TENM2: variants seen among roughly 807,000 people sequenced by gnomAD.
TENM2 encodes the protein teneurin transmembrane protein 2.
In TENM2, 52 loss-of-function variants were observed where a neutral mutation model predicts 245.2. The ratio of observed to expected loss-of-function variants is 0.21; its 90% CI spans 0.17 to 0.27. The LOEUF (loss-of-function observed/expected upper bound fraction) is 0.27, where lower values mean the gene tolerates loss of function less well. TENM2 is among the 10% of genes least tolerant of loss of function. The probability of loss-of-function intolerance (pLI) is 1.00; values close to 1 mark genes in which losing one functional copy is unlikely to be tolerated. For synonymous variants in TENM2, 1,363 were observed against 1,438.9 expected (o/e 0.95, Z 1.19); for missense variants, 3,046 against 3,666.8 (o/e 0.83, Z 4.37).
At chr5:167,992,117 G>A (rs544289958) in intron 4 of TENM2, among the ~76,000 whole-genome samples, 301 of 152,246 alleles carry the variant, frequency 2.0e-3, no homozygotes, top group Non-Finnish European at 3.2e-3. Context: ...TGGGGACTTG[G>A]AAGGAACGGT....
chr5:166,986,914 ATT>A, the TENM2 span, among the ~76,000 whole-genome samples: 19 of 151,934 alleles, frequency 1.3e-4, no homozygotes, highest in Middle Eastern at 3.4e-3. Context: ...AGAGAAGAGC[ATT>A]TTTTTTTATA....
the TENM2 span, among the ~76,000 whole-genome samples, chr5:166,997,187 A>G: frequency 6.6e-6 from 1 of 152,222 alleles, no homozygotes; most frequent in East Asian, 1.9e-4. Context: ...AAGACCTACC[A>G]GTATTAAGAA....
chr5:167,655,000 G>A (rs17068914), intron 2 of TENM2, among the ~76,000 whole-genome samples: 35,563 of 151,976 alleles, frequency 0.23, 5,771 homozygotes, highest in East Asian at 0.73. Flanking sequence ...AAGCCTACAC[G>A]ATAAGTGCAA....
intron 4 of TENM2, among the ~76,000 whole-genome samples, chr5:167,979,633 G>A (rs559645109): frequency 1.3e-5 from 2 of 152,244 alleles, no homozygotes; most frequent in East Asian, 1.9e-4. Context: ...ATTATCCCAC[G>A]ATTTTCCAAA....
intron 6 of TENM2, among the ~76,000 whole-genome samples, chr5:168,061,127 C>G (rs1581191070): frequency 6.6e-6 from 1 of 152,122 alleles, no homozygotes; most frequent in East Asian, 1.9e-4. Context: ...CTCAGCAGTT[C>G]TTAGGAATAT....
At chr5:167,109,340 G>A in the TENM2 span, among the ~76,000 whole-genome samples, 1 of 150,440 alleles carries the variant, frequency 6.6e-6, no homozygotes, top group Non-Finnish European at 1.5e-5. Flanking sequence ...CCGAGAAAAA[G>A]TAGTTTTGGC....
In TENM2 at chr5:167,924,536, C is replaced by G. The variant is rs1259822474; in HGVS notation, c.713-28052C>G. On this transcript the variant is annotated intron_variant, in intron 3 of 28. Coordinates refer to ENST00000518659, the Ensembl canonical transcript of TENM2. ...TGACATAGGTTAGCACTTCTTTCAA[C>G]TCAAGGTGGCAGCAGCATGAAGAAC... is the stretch of plus-strand genomic sequence containing the variant. 2.0e-5 allele frequency among the ~76,000 whole-genome samples: 3 copies of G among 152,226 alleles called. No individual in the cohort carries two copies. The East Asian group carries it at 5.8e-4, about 29-fold the overall frequency.
At chr5:167,767,146 C>G (rs965587597) in intron 2 of TENM2, among the ~76,000 whole-genome samples, 3 of 152,118 alleles carry the variant, frequency 2.0e-5, no homozygotes, top group Non-Finnish European at 4.4e-5. Context: ...TGGAAGCAAC[C>G]CAAGTGTTGG....
intron 2 of TENM2, among the ~76,000 whole-genome samples, chr5:167,634,306 A>G (rs1284451632): frequency 6.6e-6 from 1 of 152,218 alleles, no homozygotes; most frequent in Non-Finnish European, 1.5e-5. Context: ...AGAATTTGCA[A>G]GTAAGTTCAA....
chr5:168,069,059 C>T (rs1790755358), intron 7 of TENM2, among the ~76,000 whole-genome samples: 2 of 129,544 alleles, frequency 1.5e-5, no homozygotes, highest in South Asian at 5.0e-4. Context: ...CTTTGAAACT[C>T]TCCTTATTTG....
chr5:167,951,027 C>G (rs1390502249), intron 3 of TENM2, among the ~76,000 whole-genome samples: 1 of 152,194 alleles, frequency 6.6e-6, no homozygotes, highest in Non-Finnish European at 1.5e-5. Flanking sequence ...ATGCGAACTT[C>G]AAGGAACCTG....
chr5:167,876,122 C>T (rs201233028), exon 3 of TENM2: 3 of 1,551,608 alleles, frequency 1.9e-6, no homozygotes, highest in African/African-American at 2.7e-5. Flanking sequence ...TGGACACCAA[C>T]CCTGATGAGG....
intron 2 of TENM2, among the ~76,000 whole-genome samples, chr5:167,548,276 C>G (rs1772695922): frequency 6.6e-6 from 1 of 152,076 alleles, no homozygotes; most frequent in Non-Finnish European, 1.5e-5. Context: ...TTTTCTTATT[C>G]TTTTTGCAGT....
At chr5:167,573,110 T>A (rs2127663938) in intron 2 of TENM2, among the ~76,000 whole-genome samples, 1 of 152,204 alleles carries the variant, frequency 6.6e-6, no homozygotes, top group East Asian at 1.9e-4. Context: ...AGACGAAGCA[T>A]TTGTTTCTTC....
intron 3 of TENM2, among the ~76,000 whole-genome samples, chr5:167,917,117 A>G (rs1777012233): frequency 2.0e-5 from 3 of 152,166 alleles, no homozygotes; most frequent in Non-Finnish European, 4.4e-5. Context: ...GGAAGGAGGA[A>G]TTCTTGCAGC....
At chr5:167,881,402 T>C (rs1773864948) in intron 3 of TENM2, among the ~76,000 whole-genome samples, 1 of 152,224 alleles carries the variant, frequency 6.6e-6, no homozygotes, top group South Asian at 2.1e-4. Flanking sequence ...TCCTCCCAGC[T>C]TCACTCCGTT....
At chr5:168,114,599 A>G (rs1794919202) in intron 9 of TENM2, among the ~76,000 whole-genome samples, 1 of 152,180 alleles carries the variant, frequency 6.6e-6, no homozygotes. Flanking sequence ...CACCCCAGCC[A>G]CCACTGGAGG....
At chr5:167,438,191 C>T (rs185337156) in intron 2 of TENM2, among the ~76,000 whole-genome samples, 90 of 152,262 alleles carry the variant, frequency 5.9e-4, no homozygotes, top group African/African-American at 2.1e-3. Context: ...ATACTCCATC[C>T]AAAATGAACT....
the TENM2 span, among the ~76,000 whole-genome samples, chr5:167,184,097 T>C: frequency 1.1e-4 from 17 of 152,342 alleles, no homozygotes; most frequent in African/African-American, 3.8e-4. Context: ...AACAGATTAC[T>C]TGGTGTTTTC....
Sources: allele counts gnomAD v4.1 joint callset (sites outside exome capture counted in the v4.1 genomes callset), GRCh38; gene constraint gnomAD v4.1.1; transcripts MANE v1.5; gene names NCBI Gene and HGNC (gene_info 2026-07-23, HGNC 2026-07-21).